Variants in BSND observed in about 807,000 individuals in gnomAD.
The protein encoded by BSND is barttin CLCNK type accessory subunit beta.
BSND carries 13 observed loss-of-function variants against 18.8 expected under a neutral mutation model. The ratio of observed to expected loss-of-function variants is 0.69; its 90% CI spans 0.45 to 1.10. The LOEUF (loss-of-function observed/expected upper bound fraction) is 1.10. BSND is among the 50% of genes least tolerant of loss of function. The probability of loss-of-function intolerance (pLI) is 0.00; values close to 1 mark genes in which losing one functional copy is unlikely to be tolerated. For synonymous variants in BSND, 170 were observed against 161.8 expected (o/e 1.05, Z -0.39); for missense variants, 379 against 416.7 (o/e 0.91, Z 0.79).
rs1185950051 is a variant in BSND at position 54,999,094 on chromosome 1, T to C, written c.-93T>C. 1 of 1,498,956 alleles carries C rather than the reference T, an allele frequency of 6.7e-7. No homozygotes were observed. Among genetic ancestry groups the C allele is most frequent in the African/African-American group, 1.4e-5 (1 of 72,614 alleles). 92.9% of individuals were successfully genotyped at this position (1,498,956 alleles called of 1,614,324 possible). A position where few individuals can be genotyped will look rare whatever the true frequency, so the allele number is the denominator to read the frequency against. ...TTGAGTTGCAGCGATTTCAGTGTCT[T>C]CTCTCCCTGTGTAAGCCTGTCTCGG... On this transcript the variant is annotated 5_prime_UTR_variant, in exon 1 of 4. Coordinates refer to ENST00000651561, the MANE Select transcript of BSND (RefSeq NM_057176.3).
rs144437507 is a variant in BSND at position 55,016,603 on chromosome 1, T to TGTTC, written c.*7978_*7979insCGTT. 1.3e-5 allele frequency among the ~76,000 whole-genome samples: 2 copies of TGTTC among 151,522 alleles called. No homozygotes were observed. Among genetic ancestry groups the TGTTC allele is most frequent in the East Asian group, 3.9e-4 (2 of 5,174 alleles). On this transcript the variant is annotated 3_prime_UTR_variant, in exon 4 of 4. Coordinates refer to ENST00000651561, the MANE Select transcript of BSND (RefSeq NM_057176.3). The stretch of plus-strand genomic sequence containing the variant: ...ATTCTAGTTTTGTTGTTGTTGTTGT[T>TGTTC]GTTTGTTTGTTGTTTTGAGACAAGG...
rs373749793 is a variant in BSND at position 55,013,043 on chromosome 1, C to T, written c.*4415C>T. Among the ~76,000 whole-genome samples the T allele has an allele frequency of 5.5e-5, 8 of 145,914 alleles. No individual in the cohort carries two copies. Among genetic ancestry groups the T allele is most frequent in the South Asian group, 2.1e-4 (1 of 4,720 alleles). On this transcript the variant is annotated 3_prime_UTR_variant, in exon 4 of 4. Transcript: ENST00000651561. ...GTCCTCTGAGCCTGTGCTCTTCCCA[C>T]GATGCCACCTGGTCCACGTCATAAG...
Position 55,007,208 on chromosome 1 carries a change from G to A in BSND, c.484G>A (p.Val162Met), listed in dbSNP as rs780910610. The A allele has an allele frequency of 2.0e-5, 33 of 1,613,974 alleles. No individual in the cohort carries two copies. The Admixed American group carries it at 2.5e-4, about 12-fold the overall frequency. ...GDVQAWMEAA[V>M]VIHKGSDESE... ...CGTTCAGGCCTGGATGGAGGCTGCCGTGGTCATCCACAAGGGCTCAGACGA... is the reference window on the plus strand; with the variant it reads ...CGTTCAGGCCTGGATGGAGGCTGCCATGGTCATCCACAAGGGCTCAGACGA... The change falls in exon 3 of 4, where the codon GTG becomes ATG. Residue 162 changes from valine (V) to methionine (M), a missense_variant. Physicochemically the swap from Val to Met is conservative, Grantham distance 21. Transcript: ENST00000651561.
In BSND at chr1:54,998,985, A is replaced by G. The variant is rs1444244077; in HGVS notation, c.-202A>G. On this transcript the variant is annotated 5_prime_UTR_variant, in exon 1 of 4. Transcript: ENST00000651561. ...AAGGTGGCTGGGTGTGGGTCCGTTG[A>G]AGCGAGCCGCCTCCAGCCCTGTTGA... 1.9e-5 allele frequency: 12 copies of G among 618,776 alleles called. No homozygotes were observed. Among genetic ancestry groups the G allele is most frequent in the African/African-American group, 1.8e-5 (1 of 54,198 alleles). 38.3% of individuals were successfully genotyped at this position (618,776 alleles called of 1,614,324 possible). A position where few individuals can be genotyped will look rare whatever the true frequency, so the allele number is the denominator to read the frequency against.
rs1644429481 is a variant in BSND, at chr1:55,012,871, G to A, written c.*4243G>A. 2.6e-5 allele frequency among the ~76,000 whole-genome samples: 4 copies of A among 152,308 alleles called. No homozygotes were observed. In the South Asian group the frequency reaches 8.3e-4, roughly 32 times the overall value. On this transcript the variant is annotated 3_prime_UTR_variant, in exon 4 of 4. Transcript: ENST00000651561. ...GGAAGCTTGGAGGAGGAGCAGGATT[G>A]CTTGTGCTGTCAGACAGGTGTCAAA...
intron 3 of BSND, 33 bp downstream of exon 3, chr1:55,007,305 G>C: frequency 7.5e-7 from 1 of 1,333,108 alleles, no homozygotes; most frequent in South Asian, 1.2e-5. Context: ...TGGGGCTTCT[G>C]CCCAGTTCAA....
chr1:55,014,287 T>C lies in BSND; in HGVS notation c.*5659T>C, dbSNP rs1183519035. Among the ~76,000 whole-genome samples, 4 of 152,178 alleles carry C rather than the reference T, an allele frequency of 2.6e-5. No individual in the cohort carries two copies. The highest frequency in any genetic ancestry group is 2.0e-4 in the Admixed American group (3 of 15,274). On this transcript the variant is annotated 3_prime_UTR_variant, in exon 4 of 4. Coordinates refer to ENST00000651561, the MANE Select transcript of BSND (RefSeq NM_057176.3). ...GGGCTGAGGAGCACCAGCTTTGGAGTAAACAGCGCTGGGTTTGAGACTAGG... is the reference window on the plus strand; with the variant it reads ...GGGCTGAGGAGCACCAGCTTTGGAGCAAACAGCGCTGGGTTTGAGACTAGG...
chr1:55,005,886 G>A (rs1644389350), intron 2 of BSND, among the ~76,000 whole-genome samples: 1 of 149,484 alleles, frequency 6.7e-6, no homozygotes, highest in South Asian at 2.1e-4. Flanking sequence ...GTGGAGGCGG[G>A]GCCTGCACTC....
rs1245017668 is a variant in BSND, at chr1:55,011,858, C to G, written c.*3230C>G. ...GAGCCTCTGGGGCACCCCCTCTCCACTGGGAGAGGGGCAAGGTGCTGGTGA... is the reference window on the plus strand; with the variant it reads ...GAGCCTCTGGGGCACCCCCTCTCCAGTGGGAGAGGGGCAAGGTGCTGGTGA... On this transcript the variant is annotated 3_prime_UTR_variant, in exon 4 of 4. Coordinates refer to ENST00000651561, the MANE Select transcript of BSND (RefSeq NM_057176.3). 1 of 152,270 alleles carries G rather than the reference C, an allele frequency of 6.6e-6. No individual in the cohort carries two copies. The highest frequency in any genetic ancestry group is 1.5e-5 in the Non-Finnish European group (1 of 68,092). The allele number at this position is 152,270 out of a possible 1,614,324, so 9.4% of individuals were successfully genotyped here. A position where few individuals can be genotyped will look rare whatever the true frequency, so the allele number is the denominator to read the frequency against.
chr1:55,016,451 A>C lies in BSND; in HGVS notation c.*7823A>C, dbSNP rs1372555343. On this transcript the variant is annotated 3_prime_UTR_variant, in exon 4 of 4. Coordinates refer to ENST00000651561, the MANE Select transcript of BSND (RefSeq NM_057176.3). ...GATAATAATAGGTGGAGCTGGCAGA[A>C]TGTGGAGGAACAGAGCTCTTTCTGA... Among the ~76,000 whole-genome samples the C allele has an allele frequency of 6.6e-6, 1 of 152,250 alleles. No individual in the cohort carries two copies. The highest frequency in any genetic ancestry group is 6.5e-5 in the Admixed American group (1 of 15,290).
Position 55,016,956 on chromosome 1 carries a change from C to T in BSND, c.*8328C>T, listed in dbSNP as rs1644454433. Among the ~76,000 whole-genome samples, 1 of 152,222 alleles carries T rather than the reference C, an allele frequency of 6.6e-6. No homozygotes were observed. Among genetic ancestry groups the T allele is most frequent in the Non-Finnish European group, 1.5e-5 (1 of 68,034 alleles). On this transcript the variant is annotated 3_prime_UTR_variant, in exon 4 of 4. Coordinates refer to ENST00000651561, the MANE Select transcript of BSND (RefSeq NM_057176.3). ...CTCCTGATTGAATCAAATCCCCTATCACCACTCTCACAGCACCACAGATCT... is the reference window on the plus strand; with the variant it reads ...CTCCTGATTGAATCAAATCCCCTATTACCACTCTCACAGCACCACAGATCT...
Position 55,008,267 on chromosome 1 carries a change from T to G in BSND, c.602T>G (p.Leu201Arg), listed in dbSNP as rs1644401710. 6.2e-7 allele frequency: 1 copy of G among 1,614,092 alleles called. No homozygotes were observed. Among genetic ancestry groups the G allele is most frequent in the Non-Finnish European group, 8.5e-7 (1 of 1,180,042 alleles). Residue 201 changes from leucine (L) to arginine (R), a missense_variant, in exon 4 of 4, where the codon CTG (leucine) becomes CGG (arginine). By Grantham distance (102) the Leu-to-Arg change is moderately radical. Transcript: ENST00000651561. ...PAPLASFQDDLDMDSSEGSSP... is the reference protein window; with the variant it reads ...PAPLASFQDDRDMDSSEGSSP... The stretch of plus-strand genomic sequence containing the variant: ...CCCTTGGCTTCCTTCCAAGATGACC[T>G]GGACATGGACTCCAGTGAAGGCAGC...
In BSND at chr1:55,008,233, G is replaced by A; in HGVS notation, c.568G>A (p.Gly190Ser). Residue 190 changes from glycine (G) to serine (S), a missense_variant, in exon 4 of 4, where the codon GGC becomes AGC. Gly to Ser is a moderately conservative substitution (Grantham distance 56). Coordinates refer to ENST00000651561, the MANE Select transcript of BSND (RefSeq NM_057176.3). ...CTGCAGCCCCCTGGCCTGTCCCCAG[G>A]GCCCTGCCCCCTTGGCTTCCTTCCA... The part of the protein sequence containing the change: ...SWPGPLACPQ[G>S]PAPLASFQDD... 4 of 1,614,142 alleles carry A rather than the reference G, an allele frequency of 2.5e-6. No homozygotes were observed. Among genetic ancestry groups the A allele is most frequent in the Non-Finnish European group, 3.4e-6 (4 of 1,180,032 alleles).
rs2182832 is a variant in BSND, at chr1:55,014,538, G to A, written c.*5910G>A. 0.57 allele frequency among the ~76,000 whole-genome samples: 86,081 copies of A among 152,072 alleles called. 25,482 individuals are homozygous for A. Among genetic ancestry groups the A allele is most frequent in the African/African-American group, 0.74 (30,800 of 41,460 alleles). ...GCCTGCAGAGATGATGTTACAATGT[G>A]TAGACATCAGGTGCCCATGTGCACC... On this transcript the variant is annotated 3_prime_UTR_variant, in exon 4 of 4. Transcript: ENST00000651561.
intron 1 of BSND, among the ~76,000 whole-genome samples, chr1:55,002,839 G>A (rs1644367687): frequency 9.3e-6 from 1 of 107,336 alleles, no homozygotes; most frequent in Non-Finnish European, 1.8e-5. Context: ...TAAGAATGAT[G>A]ATGGTAAAGA....
At chr1:55,002,000 C>T (rs1335783963) in intron 1 of BSND, among the ~76,000 whole-genome samples, 3 of 152,022 alleles carry the variant, frequency 2.0e-5, no homozygotes, top group Admixed American at 6.6e-5. Context: ...TAATGGGACA[C>T]GACCAGCTTT....
rs1318255531 is a variant in BSND, at chr1:55,013,150, T to A, written c.*4522T>A. Among the ~76,000 whole-genome samples, 1 of 151,938 alleles carries A rather than the reference T, an allele frequency of 6.6e-6. No individual in the cohort carries two copies. Among genetic ancestry groups the A allele is most frequent in the Non-Finnish European group, 1.5e-5 (1 of 68,014 alleles). On this transcript the variant is annotated 3_prime_UTR_variant, in exon 4 of 4. Coordinates refer to ENST00000651561, the MANE Select transcript of BSND (RefSeq NM_057176.3). ...TTGCAAGGTTGGTGTATTGTCCCCA[T>A]TTTATTTTTATGTATTTATTTATTT... is the stretch of plus-strand genomic sequence containing the variant.
chr1:55,004,647 A>G (rs537240054), intron 1 of BSND, among the ~76,000 whole-genome samples: 1 of 152,214 alleles, frequency 6.6e-6, no homozygotes, highest in Non-Finnish European at 1.5e-5. Context: ...CCAAATATGG[A>G]TGAAGCACCT....
At position 55,008,396 on chromosome 1, in the gene BSND, T is replaced by A. The variant is rs372172746; in HGVS notation, c.731T>A (p.Ile244Asn). The change falls in exon 4 of 4, where the codon ATT becomes AAT. Residue 244 changes from isoleucine (I) to asparagine (N), a missense_variant. Coordinates refer to ENST00000651561, the MANE Select transcript of BSND (RefSeq NM_057176.3). ...GACCGCTTCCAAGACTTTGCCCTGA[T>A]TGATGCCCCAACGTTGGAGGATGAG... ...PLDRFQDFAL[I>N]DAPTLEDEPQ... The A allele has an allele frequency of 1.2e-6, 2 of 1,614,076 alleles. No homozygotes were observed. The highest frequency in any genetic ancestry group is 2.2e-5 in the East Asian group (1 of 44,894).
Sources: gnomAD v4.1 joint callset for allele counts (sites outside exome capture counted in the v4.1 genomes callset) on GRCh38, gnomAD v4.1.1 for gene constraint, MANE v1.5 for transcripts, NCBI Gene and HGNC (gene_info 2026-07-23, HGNC 2026-07-21) for gene names.